Variants in EDEM3 observed in about 807,000 individuals in gnomAD.
The protein encoded by EDEM3 is ER degradation-enhancing alpha-mannosidase-like protein 3.
Under a neutral mutation model 110.2 loss-of-function variants are expected in EDEM3, and 60 were observed. The ratio of observed to expected loss-of-function variants is 0.54; its 90% CI spans 0.44 to 0.67. EDEM3 has a LOEUF of 0.67. Among genes scored for constraint, EDEM3 ranks in the 30% least tolerant of loss-of-function variants. EDEM3 has a pLI of 0.00. For missense variants in EDEM3, 996 were observed against 1,121.0 expected, an observed-to-expected ratio of 0.89 and a Z score of 1.59; for synonymous variants, 352 against 382.9, an observed-to-expected ratio of 0.92 and a Z score of 0.94.
At chr1:184,737,478 G>T in intron 3 of EDEM3, 133 bp downstream of exon 3, 1 of 693,294 alleles carries the variant, frequency 1.4e-6, no homozygotes, top group Non-Finnish European at 2.4e-6. Context: ...GAATAAAGGA[G>T]CATAATGTAA....
intron 13 of EDEM3, among the ~76,000 whole-genome samples, chr1:184,712,967 G>C (rs1335492429): frequency 6.6e-6 from 1 of 152,156 alleles, no homozygotes; most frequent in Non-Finnish European, 1.5e-5. Flanking sequence ...CATTAAATTA[G>C]AGAGCTGGAA....
At chr1:184,729,455 G>A (rs1651375747) in intron 6 of EDEM3, among the ~76,000 whole-genome samples, 1 of 152,078 alleles carries the variant, frequency 6.6e-6, no homozygotes, top group Admixed American at 6.5e-5. Flanking sequence ...TATCTGAAAA[G>A]CTGGCAAGTT....
At chr1:184,704,901 G>GA (rs1363666615) in intron 18 of EDEM3, among the ~76,000 whole-genome samples, 1 of 150,288 alleles carries the variant, frequency 6.7e-6, no homozygotes, top group Non-Finnish European at 1.5e-5. Context: ...CTACTAAAAA[G>GA]AAAAAAATAT....
Position 184,721,364 on chromosome 1 carries a change from A to T in EDEM3, c.876T>A (p.Ile292=). The part of the protein sequence containing the change: ...VRKDSGVGAG[I]DSYYEYLLKA... Reference sequence around the variant, plus strand: ...TCAACAGATATTCATAATATGAATCAATCCCTGCTCCAACTCCACTATCTA... The same window carrying T: ...TCAACAGATATTCATAATATGAATCTATCCCTGCTCCAACTCCACTATCTA... The change falls in exon 9 of 20, where the codon ATT becomes ATA. Residue 292 remains isoleucine (I), a synonymous_variant. Coordinates refer to ENST00000318130, the MANE Select transcript of EDEM3 (RefSeq NM_025191.4). 6.2e-7 allele frequency: 1 copy of T among 1,605,412 alleles called. No individual in the cohort carries two copies. The highest frequency in any genetic ancestry group is 8.5e-7 in the Non-Finnish European group (1 of 1,177,256).
chr1:184,719,133 T>C (rs1558054125), intron 11 of EDEM3, 29 bp downstream of exon 11: 1 of 1,363,728 alleles, frequency 7.3e-7, no homozygotes, highest in South Asian at 1.4e-5. Context: ...TGTGTGTGTG[T>C]AAGATTATTC....
intron 4 of EDEM3, 47 bp from the exon 5 acceptor site, chr1:184,734,690 G>T: frequency 1.5e-6 from 1 of 677,522 alleles, no homozygotes; most frequent in Non-Finnish European, 2.3e-6. Context: ...ACCAAGACAA[G>T]GAGAAACGTT....
chr1:184,717,438 T>C, intron 12 of EDEM3, 102 bp downstream of exon 12: 2 of 824,940 alleles, frequency 2.4e-6, no homozygotes, highest in Non-Finnish European at 3.8e-6. Flanking sequence ...CATTATAATA[T>C]TAAAAGGGGA....
chr1:184,733,013 T>G (rs371878680), intron 5 of EDEM3, 23 bp from the exon 6 acceptor site: 1 of 1,610,776 alleles, frequency 6.2e-7, no homozygotes, highest in Admixed American at 1.7e-5. Context: ...AGATGAAACA[T>G]TATCCATATC....
intron 19 of EDEM3, 49 bp from the exon 20 acceptor site, chr1:184,694,521 C>T (rs1218197840): frequency 6.7e-7 from 1 of 1,484,604 alleles, no homozygotes; most frequent in East Asian, 2.3e-5. Context: ...AAAAAATGTA[C>T]TATTACACTT....
intron 2 of EDEM3, among the ~76,000 whole-genome samples, chr1:184,738,477 G>A (rs762244090): frequency 6.6e-6 from 1 of 152,134 alleles, no homozygotes; most frequent in Non-Finnish European, 1.5e-5. Context: ...AAACAATGAA[G>A]CAATAAACAC....
chr1:184,708,204 T>C lies in EDEM3; in HGVS notation c.1986A>G (p.Val662=). 1 of 1,613,824 alleles carries C rather than the reference T, an allele frequency of 6.2e-7. No homozygotes were observed. The highest frequency in any genetic ancestry group is 8.5e-7 in the Non-Finnish European group (1 of 1,179,850). The change falls in exon 17 of 20, where the codon GTA becomes GTG. Residue 662 remains valine, a synonymous_variant. Coordinates refer to ENST00000318130, the MANE Select transcript of EDEM3 (RefSeq NM_025191.4). ...IVSHPFFGRV[V]LTAGPAQFGL... The stretch of plus-strand genomic sequence containing the variant: ...CAAACTGAGCTGGTCCAGCAGTCAA[T>C]ACTACCCTGCCAAAAAATGGGTGGG...
rs760339812 is a variant in EDEM3, at chr1:184,708,133, T to TTAAA, written c.2037+19_2037+20insTTTA. On this transcript the variant is annotated intron_variant, in intron 17 of 19. Transcript: ENST00000318130. ...ATATTTTAAATTCAGTTTCAACAACTATATTTTAAGTATACATACCTCTTT... is the reference window on the plus strand; with the variant it reads ...ATATTTTAAATTCAGTTTCAACAACTTAAAATATTTTAAGTATACATACCTCTTT... 37 of 1,570,190 alleles carry TTAAA rather than the reference T, an allele frequency of 2.4e-5. No individual in the cohort carries two copies. Among genetic ancestry groups the TTAAA allele is most frequent in the Non-Finnish European group, 3.0e-5 (35 of 1,160,036 alleles).
At chr1:184,704,641 C>T (rs1649810414) in intron 18 of EDEM3, among the ~76,000 whole-genome samples, 1 of 79,680 alleles carries the variant, frequency 1.3e-5, no homozygotes, top group African/African-American at 6.2e-5. Context: ...CAAAGCAAGA[C>T]TCTGTCTCAA....
At chr1:184,709,574 T>C (rs1650113339) in intron 16 of EDEM3, among the ~76,000 whole-genome samples, 1 of 152,178 alleles carries the variant, frequency 6.6e-6, no homozygotes, top group Admixed American at 6.5e-5. Flanking sequence ...AAAAGTTAAA[T>C]CATATAAGGA....
intron 18 of EDEM3, among the ~76,000 whole-genome samples, chr1:184,705,535 T>C (rs369830456): frequency 5.3e-5 from 8 of 152,250 alleles, no homozygotes; most frequent in African/African-American, 1.9e-4. Flanking sequence ...GGATTTGGCC[T>C]ATAGTCTTGT....
rs1650615067 is a variant in EDEM3 at position 184,717,480 on chromosome 1, T to C, written c.1245+60A>G. 6.6e-6 allele frequency: 9 copies of C among 1,366,568 alleles called. No homozygotes were observed. In the East Asian group the frequency reaches 1.9e-4, roughly 29 times the overall value. The allele number at this position is 1,366,568 out of a possible 1,614,324, so 84.7% of individuals were successfully genotyped here. A position where few individuals can be genotyped will look rare whatever the true frequency, so the allele number is the denominator to read the frequency against. On this transcript the variant is annotated intron_variant, in intron 12 of 19. Coordinates refer to ENST00000318130, the MANE Select transcript of EDEM3 (RefSeq NM_025191.4). Reference sequence around the variant, plus strand: ...AAACCCAATTACTATTATGAAAGAATGAGAGATCCAACAGAGAATGGAGGC... The same window carrying C: ...AAACCCAATTACTATTATGAAAGAACGAGAGATCCAACAGAGAATGGAGGC...
At chr1:184,718,411 G>A (rs770345301) in intron 11 of EDEM3, among the ~76,000 whole-genome samples, 1 of 152,034 alleles carries the variant, frequency 6.6e-6, no homozygotes, top group Non-Finnish European at 1.5e-5. Flanking sequence ...GTATGGATAT[G>A]AATTTTCTAC....
intron 16 of EDEM3, among the ~76,000 whole-genome samples, chr1:184,709,707 AAAG>A (rs1053857441): frequency 4.6e-5 from 7 of 152,214 alleles, no homozygotes; most frequent in African/African-American, 1.7e-4. Flanking sequence ...AATACTCTTA[AAAG>A]AAGGAAGGAT....
intron 18 of EDEM3, among the ~76,000 whole-genome samples, chr1:184,703,412 G>A (rs1199051249): frequency 6.6e-6 from 1 of 152,192 alleles, no homozygotes; most frequent in African/African-American, 2.4e-5. Flanking sequence ...ATAGAACTAT[G>A]AATGAATTTT....
Sources: allele counts gnomAD v4.1 joint callset (sites outside exome capture counted in the v4.1 genomes callset), GRCh38; gene constraint gnomAD v4.1.1; transcripts MANE v1.5; gene names NCBI Gene and HGNC (gene_info 2026-07-23, HGNC 2026-07-21).